Variants in KLHL18 observed in about 807,000 individuals in gnomAD.
KLHL18 encodes the protein kelch-like protein 18.
KLHL18 carries 38 observed loss-of-function variants against 58.5 expected under a neutral mutation model. That is an observed-to-expected ratio of 0.65 (90% CI 0.50 to 0.85). The LOEUF (loss-of-function observed/expected upper bound fraction) is 0.85. Ranked by LOEUF, KLHL18 falls within the 40% of genes least tolerant of loss-of-function variation. KLHL18 has a pLI of 0.00. For synonymous variants in KLHL18, 303 were observed against 301.9 expected, an observed-to-expected ratio of 1.00 and a Z score of -0.04; for missense variants, 624 against 778.4, an observed-to-expected ratio of 0.80 and a Z score of 2.36.
At chr3:47,299,711 C>A (rs368362824) in intron 1 of KLHL18, among the ~76,000 whole-genome samples, 12 of 150,480 alleles carry the variant, frequency 8.0e-5, no homozygotes, top group African/African-American at 2.2e-4. Flanking sequence ...CCTGTAGTTG[C>A]AGCTACTCAG....
intron 4 of KLHL18, among the ~76,000 whole-genome samples, chr3:47,330,813 C>T (rs1703839441): frequency 6.6e-6 from 1 of 152,266 alleles, no homozygotes; most frequent in East Asian, 1.9e-4. Context: ...TCACTGCAAC[C>T]TCCATCTCCC....
chr3:47,308,845 A>G (rs1703213864), intron 1 of KLHL18, among the ~76,000 whole-genome samples: 1 of 151,786 alleles, frequency 6.6e-6, no homozygotes, highest in African/African-American at 2.4e-5. Flanking sequence ...TCACAGGACA[A>G]CAGTGGAGGG....
intron 1 of KLHL18, chr3:47,297,754 T>G (rs1702927211): frequency 1.5e-5 from 6 of 410,386 alleles, no homozygotes; most frequent in Non-Finnish European, 2.9e-5. Context: ...TAGAATTCAT[T>G]AAGTACAACT....
chr3:47,312,686 T>G (rs977471977), intron 1 of KLHL18, among the ~76,000 whole-genome samples: 5 of 152,134 alleles, frequency 3.3e-5, no homozygotes, highest in African/African-American at 1.2e-4. Context: ...AAGAAAATAA[T>G]ATTTTTATCT....
intron 7 of KLHL18, 28 bp downstream of exon 7, chr3:47,336,785 A>G: frequency 1.3e-6 from 2 of 1,559,674 alleles, no homozygotes; most frequent in Middle Eastern, 1.7e-4. Context: ...TGCAGCCCGA[A>G]CATACACACT....
intron 1 of KLHL18, among the ~76,000 whole-genome samples, chr3:47,289,177 A>G (rs1484202224): frequency 1.3e-5 from 2 of 152,146 alleles, no homozygotes; most frequent in South Asian, 2.1e-4. Flanking sequence ...TCACAGGGCC[A>G]TAAGCTTAAA....
intron 7 of KLHL18, chr3:47,338,797 T>G (rs1254161604): frequency 6.6e-6 from 1 of 152,230 alleles, no homozygotes; most frequent in Non-Finnish European, 1.5e-5. Context: ...CATTCCAGCC[T>G]GGTTGACAGA....
intron 1 of KLHL18, 96 bp from the exon 2 acceptor site, chr3:47,319,557 G>A: frequency 5.8e-6 from 8 of 1,386,874 alleles, no homozygotes; most frequent in Non-Finnish European, 8.0e-6. Flanking sequence ...GGGGTATGCT[G>A]TGGAGCCGGG....
intron 1 of KLHL18, among the ~76,000 whole-genome samples, chr3:47,316,675 A>T (rs1230322179): frequency 1.1e-5 from 1 of 89,086 alleles, no homozygotes; most frequent in Non-Finnish European, 2.1e-5. Flanking sequence ...ATACGTATAT[A>T]TGTATATGTG....
intron 1 of KLHL18, chr3:47,297,642 G>T (rs1216527185): frequency 2.2e-6 from 1 of 456,434 alleles, no homozygotes; most frequent in Admixed American, 2.4e-5. Context: ...TGCCAGTCCT[G>T]AGCCAGAAGG....
intron 1 of KLHL18, among the ~76,000 whole-genome samples, chr3:47,316,077 A>G (rs1576160440): frequency 6.6e-6 from 1 of 152,310 alleles, no homozygotes; most frequent in East Asian, 1.9e-4. Flanking sequence ...CACCTGACTA[A>G]TAGAAATTTC....
At chr3:47,337,614 T>C (rs1704015124) in intron 7 of KLHL18, 1 of 152,296 alleles carries the variant, frequency 6.6e-6, no homozygotes, top group Non-Finnish European at 1.5e-5. Context: ...GCTTCCTTGA[T>C]ATATGCCTAA....
intron 3 of KLHL18, among the ~76,000 whole-genome samples, chr3:47,326,931 G>A (rs1437713814): frequency 2.5e-3 from 343 of 138,912 alleles, no homozygotes; most frequent in African/African-American, 6.6e-3. Context: ...CAAAAAAAAA[G>A]AAAAAAAAAA....
At chr3:47,335,120 A>G (rs2107655114) in intron 6 of KLHL18, among the ~76,000 whole-genome samples, 1 of 152,320 alleles carries the variant, frequency 6.6e-6, no homozygotes, top group East Asian at 1.9e-4. Flanking sequence ...TTGGCAGAGC[A>G]AGGACTAGAA....
chr3:47,326,974 C>T (rs1159096914), intron 3 of KLHL18, among the ~76,000 whole-genome samples: 1 of 151,424 alleles, frequency 6.6e-6, no homozygotes, highest in African/African-American at 2.4e-5. Context: ...CGTGGTGGCT[C>T]ACGCTTGTTA....
Position 47,282,989 on chromosome 3 carries a change from G to T in KLHL18, c.24G>T (p.Glu8Asp), listed in dbSNP as rs368604332. 6.2e-7 allele frequency: 1 copy of T among 1,611,216 alleles called. No homozygotes were observed. Among genetic ancestry groups the T allele is most frequent in the African/African-American group, 1.3e-5 (1 of 75,002 alleles). MVEDGAE[E>D]LEDLVHFSVS... is the part of the protein sequence containing the mutation. The stretch of plus-strand genomic sequence containing the variant: ...AGATGGTGGAGGACGGCGCGGAGGA[G>T]CTGGAGGATCTGGTGCACTTCTCCG... The change falls in exon 1 of 10, where the codon GAG becomes GAT. Residue 8 changes from glutamate (E) to aspartate (D), a missense_variant. By Grantham distance (45) the Glu-to-Asp change is conservative (BLOSUM62 2). Coordinates refer to ENST00000232766, the MANE Select transcript of KLHL18 (RefSeq NM_025010.5).
At position 47,282,983 on chromosome 3, in the gene KLHL18, G is replaced by A. The variant is rs754360548; in HGVS notation, c.18G>A (p.Ala6=). Reference sequence around the variant, plus strand: ...CGGGGAAGATGGTGGAGGACGGCGCGGAGGAGCTGGAGGATCTGGTGCACT... The same window carrying A: ...CGGGGAAGATGGTGGAGGACGGCGCAGAGGAGCTGGAGGATCTGGTGCACT... MVEDG[A]EELEDLVHFS... is the part of the protein sequence containing the mutation. Residue 6 remains alanine, a synonymous_variant, in exon 1 of 10, where the codon GCG becomes GCA. Coordinates refer to ENST00000232766, the MANE Select transcript of KLHL18 (RefSeq NM_025010.5). 5 of 1,610,704 alleles carry A rather than the reference G, an allele frequency of 3.1e-6. No homozygotes were observed. The South Asian group carries it at 5.5e-5, about 18-fold the overall frequency.
chr3:47,283,225 A>T, intron 1 of KLHL18, 131 bp downstream of exon 1: 34 of 369,230 alleles, frequency 9.2e-5, no homozygotes, highest in East Asian at 2.0e-4. Context: ...GGGGCCGAGT[A>T]GTGGGGAGAG....
chr3:47,311,759 C>T (rs1435255241), intron 1 of KLHL18, among the ~76,000 whole-genome samples: 1 of 152,188 alleles, frequency 6.6e-6, no homozygotes, highest in Non-Finnish European at 1.5e-5. Context: ...TATCTGTTGA[C>T]TGGTAGACCT....
Sources: gnomAD v4.1 joint callset for allele counts (sites outside exome capture counted in the v4.1 genomes callset) on GRCh38, gnomAD v4.1.1 for gene constraint, MANE v1.5 for transcripts, NCBI Gene and HGNC (gene_info 2026-07-23, HGNC 2026-07-21) for gene names.